The following SOX5 variants were observed in gnomAD, a reference collection of about 807,000 sequenced individuals.
The protein encoded by SOX5 is transcription factor SOX-5.
In SOX5, 9 loss-of-function variants were observed where a neutral mutation model predicts 92.0. That is an observed-to-expected ratio of 0.10 (90% CI 0.06 to 0.17). The LOEUF (loss-of-function observed/expected upper bound fraction) is 0.17. Among genes scored for constraint, SOX5 ranks in the 10% least tolerant of loss-of-function variants. SOX5 has a pLI of 1.00. For missense variants in SOX5, 642 were observed against 944.5 expected (o/e 0.68, Z 4.20); for synonymous variants, 344 against 336.3 (o/e 1.02, Z -0.25).
chr12:24,544,824 C>T (rs1205939830), intron 1 of SOX5, among the ~76,000 whole-genome samples: 6 of 152,168 alleles, frequency 3.9e-5, no homozygotes, highest in East Asian at 1.9e-4. Context: ...TGGTACATAA[C>T]TTATGCTTTA....
At chr12:23,826,455 A>C (rs1046369333) in intron 3 of SOX5, among the ~76,000 whole-genome samples, 2 of 152,172 alleles carry the variant, frequency 1.3e-5, no homozygotes, top group African/African-American at 4.8e-5. Flanking sequence ...AAGCAATGAG[A>C]AGGTAAAACA....
chr12:24,412,139 C>A (rs1964218332), intron 1 of SOX5, among the ~76,000 whole-genome samples: 1 of 151,862 alleles, frequency 6.6e-6, no homozygotes, highest in Non-Finnish European at 1.5e-5. Flanking sequence ...TCGATACGAT[C>A]GATAAATCGT....
At chr12:24,490,080 T>C (rs1452862162) in intron 1 of SOX5, among the ~76,000 whole-genome samples, 1 of 152,244 alleles carries the variant, frequency 6.6e-6, no homozygotes, top group Non-Finnish European at 1.5e-5. Flanking sequence ...GATGGCAGAC[T>C]TCATACATTC....
At chr12:24,349,948 TC>T (rs1235621732) in intron 2 of SOX5, among the ~76,000 whole-genome samples, 1 of 152,202 alleles carries the variant, frequency 6.6e-6, no homozygotes, top group African/African-American at 2.4e-5. Flanking sequence ...TGACACTTTT[TC>T]TTTCTATATT....
At chr12:23,861,985 C>T (rs2096761698) in intron 2 of SOX5, among the ~76,000 whole-genome samples, 1 of 152,110 alleles carries the variant, frequency 6.6e-6, no homozygotes, top group South Asian at 2.1e-4. Flanking sequence ...ATTAATTATA[C>T]ATTTTTGGGT....
intron 1 of SOX5, among the ~76,000 whole-genome samples, chr12:23,923,810 C>A (rs1469586983): frequency 6.6e-6 from 1 of 152,060 alleles, no homozygotes; most frequent in Non-Finnish European, 1.5e-5. Flanking sequence ...GGTGCTAAAT[C>A]TGAAATGTCC....
At chr12:23,744,555 T>C (rs536442924) in intron 4 of SOX5, among the ~76,000 whole-genome samples, 9 of 152,320 alleles carry the variant, frequency 5.9e-5, no homozygotes, top group East Asian at 3.9e-4. Context: ...TCAATCACAG[T>C]AATTTTTCCT....
At chr12:24,137,105 A>G (rs1950174018) in intron 4 of SOX5, among the ~76,000 whole-genome samples, 1 of 152,238 alleles carries the variant, frequency 6.6e-6, no homozygotes. Flanking sequence ...TCCAGTTTCC[A>G]AAATCCAGCT....
At chr12:23,642,903 C>T (rs1429242635) in intron 7 of SOX5, among the ~76,000 whole-genome samples, 8 of 115,864 alleles carry the variant, frequency 6.9e-5, no homozygotes, top group Non-Finnish European at 1.7e-4. Context: ...CCGGCTAAAA[C>T]GGTGAAACCC....
At chr12:24,389,570 C>G (rs1566048883) in intron 1 of SOX5, among the ~76,000 whole-genome samples, 2 of 152,202 alleles carry the variant, frequency 1.3e-5, no homozygotes, top group Non-Finnish European at 2.9e-5. Context: ...CATTTCTTTT[C>G]ATTGCCTAGC....
chr12:24,211,663 T>C (rs918206315), intron 4 of SOX5, among the ~76,000 whole-genome samples: 6 of 152,224 alleles, frequency 3.9e-5, no homozygotes, highest in Non-Finnish European at 7.3e-5. Context: ...ACCTGTGAGG[T>C]AGCATAATGT....
chr12:23,551,615 A>G (rs1944238228), intron 11 of SOX5, among the ~76,000 whole-genome samples: 1 of 152,044 alleles, frequency 6.6e-6, no homozygotes, highest in Non-Finnish European at 1.5e-5. Flanking sequence ...TTTATCCGTG[A>G]GAATAGCCAT....
At chr12:23,635,869 A>G (rs142875495) in intron 8 of SOX5, among the ~76,000 whole-genome samples, 1 of 152,216 alleles carries the variant, frequency 6.6e-6, no homozygotes, top group African/African-American at 2.4e-5. Flanking sequence ...GTGTATTAGT[A>G]GGTGGAATGA....
At chr12:24,361,621 GTGTGTGTGTGTGCGCA>G (rs1322723904) in intron 2 of SOX5, among the ~76,000 whole-genome samples, 3 of 151,724 alleles carry the variant, frequency 2.0e-5, no homozygotes, top group Non-Finnish European at 4.4e-5. Context: ...TTGTGTGTGT[GTGTGTGTGTGTGCGCA>G]TGTGTGTGTG....
intron 1 of SOX5, among the ~76,000 whole-genome samples, chr12:23,923,025 A>G (rs989779575): frequency 1.7e-4 from 26 of 151,604 alleles, no homozygotes; most frequent in African/African-American, 6.1e-4. Flanking sequence ...GGCTCACTGC[A>G]AGCTCCGCCT....
intron 1 of SOX5, among the ~76,000 whole-genome samples, chr12:24,409,368 A>T (rs1963635678): frequency 6.6e-6 from 1 of 152,182 alleles, no homozygotes; most frequent in Non-Finnish European, 1.5e-5. Flanking sequence ...AATTTAGAGG[A>T]CAGGTCAATA....
intron 2 of SOX5, among the ~76,000 whole-genome samples, chr12:24,326,812 G>C (rs1565911612): frequency 3.2e-5 from 1 of 30,774 alleles, no homozygotes. Context: ...ACACACACAG[G>C]TCTACCCACC....
intron 4 of SOX5, among the ~76,000 whole-genome samples, chr12:24,156,084 C>T (rs1167126030): frequency 2.0e-5 from 3 of 152,142 alleles, no homozygotes; most frequent in East Asian, 3.9e-4. Context: ...TCCGAGCACA[C>T]ATTAGGCTAC....
At chr12:24,423,460 A>G (rs1426655245) in intron 1 of SOX5, among the ~76,000 whole-genome samples, 3 of 152,230 alleles carry the variant, frequency 2.0e-5, no homozygotes, top group Non-Finnish European at 4.4e-5. Context: ...GTGAGATTTC[A>G]ATGAGGCTCA....
Sources: gnomAD v4.1 joint callset for allele counts (sites outside exome capture counted in the v4.1 genomes callset) on GRCh38, gnomAD v4.1.1 for gene constraint, MANE v1.5 for transcripts, NCBI Gene and HGNC (gene_info 2026-07-23, HGNC 2026-07-21) for gene names.